Variants in ABTB2 observed in about 807,000 individuals in gnomAD.
The protein encoded by ABTB2 is ankyrin repeat and BTB/POZ domain-containing protein 2.
ABTB2 carries 56 observed loss-of-function variants against 104.1 expected under a neutral mutation model. The ratio of observed to expected loss-of-function variants is 0.54; its 90% CI spans 0.43 to 0.67. ABTB2 has a LOEUF of 0.67. Ranked by LOEUF, ABTB2 falls within the 30% of genes least tolerant of loss-of-function variation. ABTB2 has a pLI of 0.00. For synonymous variants in ABTB2, 606 were observed against 608.2 expected, an observed-to-expected ratio of 1.00 and a Z score of 0.05; for missense variants, 1,279 against 1,407.7, an observed-to-expected ratio of 0.91 and a Z score of 1.46.
chr11:34,295,790 C>T (rs1054252876), intron 1 of ABTB2, among the ~76,000 whole-genome samples: 2 of 151,724 alleles, frequency 1.3e-5, no homozygotes, highest in African/African-American at 4.9e-5. Context: ...GCCAACATCT[C>T]ACTGTGTCCT....
intron 1 of ABTB2, among the ~76,000 whole-genome samples, chr11:34,305,846 AT>A (rs1295620548): frequency 1.3e-5 from 2 of 152,144 alleles, no homozygotes; most frequent in Non-Finnish European, 2.9e-5. Context: ...CTCTATCACT[AT>A]TTCAACATGT....
rs539627229 is a variant in ABTB2, at chr11:34,235,658, A to T, written c.884-30968T>A. Among the ~76,000 whole-genome samples the T allele has an allele frequency of 2.0e-5, 3 of 152,280 alleles. No homozygotes were observed. In the East Asian group the frequency reaches 5.8e-4, roughly 29 times the overall value. ...GATTTGCCTATCAGAGCCATCCAGG[A>T]CCTGATTGGGGATCTCCTTCTGGCT... On this transcript the variant is annotated intron_variant, in intron 1 of 16. Transcript: ENST00000435224.
Position 34,357,844 on chromosome 11 carries a change from C to T in ABTB2, c.-261G>A, listed in dbSNP as rs1855486837. On this transcript the variant is annotated 5_prime_UTR_variant, in exon 1 of 17. Transcript: ENST00000435224. ...ACCCCGTCGCTACCCCCCGGCACTC[C>T]CCCTTGTCCACCTCTAATTCCCACA... is the stretch of plus-strand genomic sequence containing the variant. The T allele has an allele frequency of 2.1e-6, 1 of 466,162 alleles. No homozygotes were observed. Among genetic ancestry groups the T allele is most frequent in the Admixed American group, 3.8e-5 (1 of 26,552 alleles). 28.9% of individuals were successfully genotyped at this position (466,162 alleles called of 1,614,324 possible).
In ABTB2 at chr11:34,165,328, T is replaced by C. The variant is rs1308738126; in HGVS notation, c.1784A>G (p.Glu595Gly). The C allele has an allele frequency of 4.4e-6, 7 of 1,586,804 alleles. No individual in the cohort carries two copies. Among genetic ancestry groups the C allele is most frequent in the Admixed American group, 1.8e-5 (1 of 56,362 alleles). Residue 595 changes from glutamate (E) to glycine (G), a missense_variant, in exon 8 of 17, where the codon GAG (glutamate) becomes GGG (glycine). By Grantham distance (98) the Glu-to-Gly change is moderately conservative. Transcript: ENST00000435224. Reference sequence around the variant, plus strand: ...CTCGCCGCCGTTCACTGCCGAGCCCTCGACATGGGCACCAGCATCCAGCAG... The same window carrying C: ...CTCGCCGCCGTTCACTGCCGAGCCCCCGACATGGGCACCAGCATCCAGCAG... ...QLLLDAGAHVEGSAVNGGEDS... is the reference protein window; with the variant it reads ...QLLLDAGAHVGGSAVNGGEDS...
intron 1 of ABTB2, among the ~76,000 whole-genome samples, chr11:34,206,359 G>A (rs1188635598): frequency 1.3e-5 from 2 of 152,144 alleles, no homozygotes; most frequent in African/African-American, 2.4e-5. Flanking sequence ...CTCCAGCCTG[G>A]CAACAGAGAC....
intron 1 of ABTB2, among the ~76,000 whole-genome samples, chr11:34,345,236 G>A (rs11032621): frequency 0.15 from 23,431 of 151,966 alleles, 3,151 homozygotes; most frequent in East Asian, 0.35. Flanking sequence ...CGCCCCAGCC[G>A]CACGGAAGGA....
chr11:34,355,381 T>C (rs1235633033), intron 1 of ABTB2, among the ~76,000 whole-genome samples: 2 of 152,224 alleles, frequency 1.3e-5, no homozygotes, highest in African/African-American at 4.8e-5. Context: ...AATTCCAGTT[T>C]TGCCATTTAA....
chr11:34,282,084 C>G (rs574938477), intron 1 of ABTB2, among the ~76,000 whole-genome samples: 1 of 152,122 alleles, frequency 6.6e-6, no homozygotes, highest in Non-Finnish European at 1.5e-5. Context: ...AGTACAAGAT[C>G]AAGGGAGATA....
At chr11:34,292,747 A>G (rs958057343) in intron 1 of ABTB2, among the ~76,000 whole-genome samples, 1 of 152,120 alleles carries the variant, frequency 6.6e-6, no homozygotes, top group African/African-American at 2.4e-5. Context: ...GAGGTCAGGG[A>G]GGGCTGCCTG....
At chr11:34,159,450 G>C in intron 13 of ABTB2, 64 bp from the exon 14 acceptor site, 1 of 1,054,852 alleles carries the variant, frequency 9.5e-7, no homozygotes, top group Non-Finnish European at 1.5e-6. Context: ...GTGTGGCGAT[G>C]GCACCATCTG....
At chr11:34,353,872 A>G (rs1056131894) in intron 1 of ABTB2, among the ~76,000 whole-genome samples, 9 of 152,356 alleles carry the variant, frequency 5.9e-5, no homozygotes, top group South Asian at 2.1e-4. Context: ...ATACGCAGTC[A>G]TTCCCCAGTT....
chr11:34,181,375 C>T (rs779538491), intron 3 of ABTB2, among the ~76,000 whole-genome samples: 2 of 152,220 alleles, frequency 1.3e-5, no homozygotes, highest in Non-Finnish European at 2.9e-5. Flanking sequence ...CAGCTCAAAG[C>T]AGGCTCTGTT....
chr11:34,229,256 G>A (rs1288074405), intron 1 of ABTB2, among the ~76,000 whole-genome samples: 1 of 151,950 alleles, frequency 6.6e-6, no homozygotes, highest in Non-Finnish European at 1.5e-5. Context: ...GCCGAGGTGG[G>A]CGGATCACAA....
intron 1 of ABTB2, among the ~76,000 whole-genome samples, chr11:34,281,546 T>C (rs935967977): frequency 6.6e-6 from 1 of 152,258 alleles, no homozygotes; most frequent in African/African-American, 2.4e-5. Flanking sequence ...TCTGAAATTC[T>C]AGCACAGCCC....
rs188042178 is a variant in ABTB2 at position 34,204,970 on chromosome 11, G to A, written c.884-280C>T. Among the ~76,000 whole-genome samples, 129 of 152,312 alleles carry A rather than the reference G, an allele frequency of 8.5e-4. 1 individual carries two copies. The highest frequency in any genetic ancestry group is 2.7e-3 in the African/African-American group (114 of 41,572). On this transcript the variant is annotated intron_variant, in intron 1 of 16. Transcript: ENST00000435224. The stretch of plus-strand genomic sequence containing the variant: ...AGAAACTGGCCTTCTTGGGCTCCTG[G>A]ATCATAGAAGCATTCATTCACTCAC...
At chr11:34,171,180 G>A in intron 4 of ABTB2, 109 bp from the exon 5 acceptor site, 1 of 1,207,288 alleles carries the variant, frequency 8.3e-7, no homozygotes, top group Non-Finnish European at 1.2e-6. Flanking sequence ...GAGGATGGGT[G>A]GGAAGCACCA....
chr11:34,258,615 T>C (rs11032585), intron 1 of ABTB2, among the ~76,000 whole-genome samples: 4 of 146,724 alleles, frequency 2.7e-5, no homozygotes. Flanking sequence ...CTTTTTTTTT[T>C]TTTTTTTTTT....
At position 34,254,775 on chromosome 11, in the gene ABTB2, G is replaced by A. The variant is rs973159239; in HGVS notation, c.884-50085C>T. 3.3e-5 allele frequency among the ~76,000 whole-genome samples: 5 copies of A among 149,882 alleles called. No homozygotes were observed. In the South Asian group the frequency reaches 6.3e-4, roughly 19 times the overall value. On this transcript the variant is annotated intron_variant, in intron 1 of 16. Coordinates refer to ENST00000435224, the MANE Select transcript of ABTB2 (RefSeq NM_145804.3). ...CAACCTCTACCTCCCAGGTTCAAGCGATTCTCCTGCCTCAGCCTCCCGAGT... is the reference window on the plus strand; with the variant it reads ...CAACCTCTACCTCCCAGGTTCAAGCAATTCTCCTGCCTCAGCCTCCCGAGT...
In ABTB2 at chr11:34,182,507, GGGA is replaced by G. The variant is rs1413380512; in HGVS notation, c.1245-9203_1245-9201del. ...GGGCATTGGGTTCTCTGGGGGGGGG[GGGA>G]AATTCACTTTTCCTATTAAAACTCA... On this transcript the variant is annotated intron_variant, in intron 3 of 16. Transcript: ENST00000435224. 6.5e-5 allele frequency among the ~76,000 whole-genome samples: 9 copies of G among 137,526 alleles called. 1 individual carries two copies. Among genetic ancestry groups the G allele is most frequent in the African/African-American group, 1.7e-4 (6 of 35,358 alleles). 90.2% of individuals were successfully genotyped at this position (137,526 alleles called of 152,430 possible). A position where few individuals can be genotyped will look rare whatever the true frequency, so the allele number is the denominator to read the frequency against.
Sources: gnomAD v4.1 joint callset for allele counts (sites outside exome capture counted in the v4.1 genomes callset) on GRCh38, gnomAD v4.1.1 for gene constraint, MANE v1.5 for transcripts, NCBI Gene and HGNC (gene_info 2026-07-23, HGNC 2026-07-21) for gene names.